Variants in EXOC6 observed in about 807,000 individuals in gnomAD.
The protein encoded by EXOC6 is SEC15-like 1.
EXOC6 carries 60 observed loss-of-function variants against 112.5 expected under a neutral mutation model. The ratio of observed to expected loss-of-function variants is 0.53; its 90% CI spans 0.43 to 0.66. The LOEUF (loss-of-function observed/expected upper bound fraction) is 0.66. Among genes scored for constraint, EXOC6 ranks in the 30% least tolerant of loss-of-function variants. The pLI is 0.00. For synonymous variants in EXOC6, 295 were observed against 308.0 expected (o/e 0.96, Z 0.44); for missense variants, 855 against 957.1 (o/e 0.89, Z 1.41).
At chr10:92,865,993 G>T (rs551869480) in intron 1 of EXOC6, among the ~76,000 whole-genome samples, 2 of 152,064 alleles carry the variant, frequency 1.3e-5, no homozygotes, top group African/African-American at 4.8e-5. Context: ...GAGGAGATGG[G>T]AGGAGTTGGT....
intron 19 of EXOC6, among the ~76,000 whole-genome samples, chr10:93,011,399 A>G (rs1694115524): frequency 6.6e-6 from 1 of 151,956 alleles, no homozygotes; most frequent in South Asian, 2.1e-4. Flanking sequence ...TGGAACTACT[A>G]CAGGTGCATG....
chr10:93,007,728 G>T (rs1366146621), intron 19 of EXOC6, among the ~76,000 whole-genome samples: 1 of 152,102 alleles, frequency 6.6e-6, no homozygotes, highest in Non-Finnish European at 1.5e-5. Context: ...AGCTTACCCC[G>T]CATACATTAT....
At chr10:93,019,521 A>G (rs1564915628) in intron 20 of EXOC6, among the ~76,000 whole-genome samples, 1 of 152,212 alleles carries the variant, frequency 6.6e-6, no homozygotes, top group Non-Finnish European at 1.5e-5. Flanking sequence ...AAGTTCCATA[A>G]GAATCTTTTC....
At chr10:93,047,809 G>A (rs899299602) in intron 20 of EXOC6, among the ~76,000 whole-genome samples, 9 of 152,170 alleles carry the variant, frequency 5.9e-5, no homozygotes, top group Admixed American at 5.9e-4. Flanking sequence ...AGCTGGGTGT[G>A]GTGGCGTGTT....
In EXOC6 at chr10:92,974,215, G is replaced by T. The variant is rs1204051610; in HGVS notation, c.1936G>T (p.Val646Leu). 6.4e-7 allele frequency: 1 copy of T among 1,565,234 alleles called. No homozygotes were observed. The highest frequency in any genetic ancestry group is 8.6e-7 in the Non-Finnish European group (1 of 1,166,598). ...LINFLRSIFQ[V>L]FTHLPGKVAQ... ...AAATTTTTTGAGAAGCATCTTTCAA[G>T]TGTTTACTCATTTGCCTGTAAGTAT... Residue 646 changes from valine (V) to leucine (L), a missense_variant, in exon 18 of 22, where the codon GTG becomes TTG. Coordinates refer to ENST00000260762, the MANE Select transcript of EXOC6 (RefSeq NM_019053.6).
At chr10:92,984,669 T>A (rs1842939077) in intron 18 of EXOC6, among the ~76,000 whole-genome samples, 1 of 152,204 alleles carries the variant, frequency 6.6e-6, no homozygotes, top group Admixed American at 6.5e-5. Flanking sequence ...GTCTTCTGTC[T>A]TCATGCTTGA....
intron 18 of EXOC6, among the ~76,000 whole-genome samples, chr10:92,992,382 A>G (rs1215490245): frequency 6.6e-6 from 1 of 151,330 alleles, no homozygotes; most frequent in Non-Finnish European, 1.5e-5. Flanking sequence ...TTAAACCTTT[A>G]TAACATATCT....
At chr10:92,932,922 A>G (rs1387995037) in intron 9 of EXOC6, among the ~76,000 whole-genome samples, 1 of 152,182 alleles carries the variant, frequency 6.6e-6, no homozygotes, top group Non-Finnish European at 1.5e-5. Flanking sequence ...AAGTTAGTGA[A>G]ATTAAACTAT....
intron 1 of EXOC6, among the ~76,000 whole-genome samples, chr10:92,886,617 TG>T: frequency 6.6e-6 from 1 of 152,360 alleles, no homozygotes; most frequent in East Asian, 1.9e-4. Context: ...CAGGTAGACC[TG>T]GGGTTAAATC....
At chr10:93,028,376 G>C (rs1270353281) in intron 20 of EXOC6, among the ~76,000 whole-genome samples, 1 of 152,212 alleles carries the variant, frequency 6.6e-6, no homozygotes, top group Non-Finnish European at 1.5e-5. Flanking sequence ...AACTGCAGAA[G>C]CCGTGGAAAT....
intron 18 of EXOC6, chr10:92,987,529 T>C: frequency 1.8e-6 from 1 of 548,078 alleles, no homozygotes; most frequent in Non-Finnish European, 2.3e-6. Context: ...GTATATTCCC[T>C]TTTGCTACTT....
intron 13 of EXOC6, among the ~76,000 whole-genome samples, chr10:92,946,884 C>CT (rs1229534537): frequency 2.0e-5 from 3 of 152,178 alleles, no homozygotes; most frequent in African/African-American, 2.4e-5. Context: ...TTCACGTACT[C>CT]TGATAGTCAC....
intron 1 of EXOC6, among the ~76,000 whole-genome samples, chr10:92,882,684 T>C (rs1347993560): frequency 6.6e-6 from 1 of 152,190 alleles, no homozygotes; most frequent in Non-Finnish European, 1.5e-5. Flanking sequence ...AAATAATATT[T>C]TAGCCCATTG....
chr10:92,975,644 AC>A (rs1842534457), intron 18 of EXOC6, among the ~76,000 whole-genome samples: 1 of 106,334 alleles, frequency 9.4e-6, no homozygotes, highest in African/African-American at 3.7e-5. Flanking sequence ...CCGGCCAGCC[AC>A]CCCGTCCGGG....
rs951135268 is a variant in EXOC6 at position 92,977,384 on chromosome 10, A to G, written c.1953+3152A>G. Among the ~76,000 whole-genome samples, 9 of 152,166 alleles carry G rather than the reference A, an allele frequency of 5.9e-5. No individual in the cohort carries two copies. The East Asian group carries it at 1.5e-3, about 26-fold the overall frequency. On this transcript the variant is annotated intron_variant, in intron 18 of 21. Coordinates refer to ENST00000260762, the MANE Select transcript of EXOC6 (RefSeq NM_019053.6). ...TCCTAAAAAAAATTAATGGAAGACT[A>G]TTTTAAAGAGATTGTCATCATGGAT...
intron 7 of EXOC6, among the ~76,000 whole-genome samples, chr10:92,917,836 G>A (rs1281785362): frequency 2.6e-5 from 4 of 152,092 alleles, no homozygotes; most frequent in African/African-American, 9.7e-5. Flanking sequence ...CACCATGCCC[G>A]GCATCCTATT....
chr10:92,963,429 G>A (rs1854127836), intron 17 of EXOC6, among the ~76,000 whole-genome samples: 1 of 151,902 alleles, frequency 6.6e-6, no homozygotes, highest in Admixed American at 6.6e-5. Flanking sequence ...CTTTGTAATA[G>A]AACATTTAGT....
chr10:92,990,215 AAATG>A (rs1843172904), intron 18 of EXOC6, among the ~76,000 whole-genome samples: 1 of 152,208 alleles, frequency 6.6e-6, no homozygotes, highest in Admixed American at 6.5e-5. Flanking sequence ...TCTTAGTTGA[AAATG>A]AACATATTTG....
chr10:92,869,873 G>C (rs1274729462), intron 1 of EXOC6, among the ~76,000 whole-genome samples: 1 of 151,576 alleles, frequency 6.6e-6, no homozygotes, highest in Non-Finnish European at 1.5e-5. Context: ...GGTTGAGACA[G>C]GGGGCATCTT....
Sources: allele counts gnomAD v4.1 joint callset (sites outside exome capture counted in the v4.1 genomes callset), GRCh38; gene constraint gnomAD v4.1.1; transcripts MANE v1.5; gene names NCBI Gene and HGNC (gene_info 2026-07-23, HGNC 2026-07-21).